Variants in MAST4 observed in about 807,000 individuals in gnomAD.
The protein encoded by MAST4 is microtubule-associated serine/threonine-protein kinase 4.
In MAST4, 89 loss-of-function variants were observed where a neutral mutation model predicts 162.7. The observed-to-expected ratio is 0.55, with a 90% CI of 0.46 to 0.65. The LOEUF (loss-of-function observed/expected upper bound fraction) is 0.65, where lower values mean the gene tolerates loss of function less well. Among genes scored for constraint, MAST4 ranks in the 30% least tolerant of loss-of-function variants. The pLI is 0.00. For synonymous variants in MAST4, 1,479 were observed against 1,361.1 expected (o/e 1.09, Z -1.91); for missense variants, 3,153 against 3,374.0 (o/e 0.93, Z 1.62).
At chr5:66,785,535 G>A (rs142658933) in intron 2 of MAST4, among the ~76,000 whole-genome samples, 249 of 152,192 alleles carry the variant, frequency 1.6e-3, no homozygotes, top group African/African-American at 5.5e-3. Flanking sequence ...TCTGGGTTTA[G>A]ACTGGAGATA....
At chr5:67,103,595 C>A (rs1263734303) in intron 9 of MAST4, among the ~76,000 whole-genome samples, 4 of 151,862 alleles carry the variant, frequency 2.6e-5, no homozygotes, top group Admixed American at 2.6e-4. Flanking sequence ...CAGTGGGTGA[C>A]CAGAGAGAAT....
chr5:66,668,604 A>G (rs1464422573), intron 1 of MAST4, among the ~76,000 whole-genome samples: 1 of 152,228 alleles, frequency 6.6e-6, no homozygotes, highest in East Asian at 1.9e-4. Context: ...TGGGAACAAT[A>G]ATAGTACTAA....
intron 1 of MAST4, among the ~76,000 whole-genome samples, chr5:66,705,033 A>G (rs920239117): frequency 3.3e-5 from 5 of 152,158 alleles, no homozygotes; most frequent in African/African-American, 1.2e-4. Flanking sequence ...CCACCAAGCC[A>G]CAGAAATTGT....
At chr5:66,940,327 C>T (rs966191378) in intron 4 of MAST4, among the ~76,000 whole-genome samples, 1 of 152,092 alleles carries the variant, frequency 6.6e-6, no homozygotes. Context: ...CAGCAGTGGA[C>T]TCTTTCTTTC....
chr5:66,836,633 G>A (rs750213676), intron 3 of MAST4, among the ~76,000 whole-genome samples: 4 of 152,148 alleles, frequency 2.6e-5, no homozygotes, highest in Non-Finnish European at 4.4e-5. Flanking sequence ...ATGAGATCAT[G>A]TCCTTTGCAG....
At chr5:67,005,586 A>G (rs1427094621) in intron 4 of MAST4, among the ~76,000 whole-genome samples, 2 of 152,164 alleles carry the variant, frequency 1.3e-5, no homozygotes, top group African/African-American at 2.4e-5. Context: ...TAACTTTGTC[A>G]TTTTGATTTT....
At chr5:67,161,199 C>T (rs1581766385) in intron 27 of MAST4, among the ~76,000 whole-genome samples, 1 of 152,248 alleles carries the variant, frequency 6.6e-6, no homozygotes, top group East Asian at 1.9e-4. Flanking sequence ...TCTGGGTGTG[C>T]CTCCTTTGCA....
chr5:67,093,745 C>A, intron 6 of MAST4: 1 of 387,282 alleles, frequency 2.6e-6, no homozygotes, highest in Non-Finnish European at 5.4e-6. Flanking sequence ...GTTAATGCAT[C>A]ACAAAACAAA....
At chr5:66,851,403 C>A (rs1251719753) in intron 3 of MAST4, among the ~76,000 whole-genome samples, 2 of 152,152 alleles carry the variant, frequency 1.3e-5, no homozygotes, top group Non-Finnish European at 2.9e-5. Flanking sequence ...AGGCTGCTAG[C>A]CAATTTGAGG....
chr5:66,709,213 ACTTTG>A, intron 1 of MAST4, among the ~76,000 whole-genome samples: 1 of 152,248 alleles, frequency 6.6e-6, no homozygotes, highest in South Asian at 2.1e-4. Flanking sequence ...TATTGCTGAT[ACTTTG>A]CTTTGTTTGA....
At chr5:66,741,085 A>G (rs544381544) in intron 1 of MAST4, among the ~76,000 whole-genome samples, 2 of 152,312 alleles carry the variant, frequency 1.3e-5, no homozygotes, top group South Asian at 2.1e-4. Flanking sequence ...TCTCAAACAT[A>G]CTGAATGCAC....
chr5:66,804,651 G>A (rs932292179), intron 3 of MAST4, among the ~76,000 whole-genome samples: 2 of 152,108 alleles, frequency 1.3e-5, no homozygotes, highest in Admixed American at 6.5e-5. Flanking sequence ...GAGTGGGAAG[G>A]GTGTATTTGC....
rs567954796 is a variant in MAST4 at position 66,640,376 on chromosome 5, C to T, written c.363+43358C>T. 4.0e-5 allele frequency among the ~76,000 whole-genome samples: 6 copies of T among 151,124 alleles called. No individual in the cohort carries two copies. In the South Asian group the frequency reaches 6.3e-4, roughly 16 times the overall value. On this transcript the variant is annotated intron_variant, in intron 1 of 28. Transcript: ENST00000403625. ...AGGCTGCACTGCAGTGGCACAATCTCGGCTCACTGCAAGCTCTGCCTCCCG... is the reference window on the plus strand; with the variant it reads ...AGGCTGCACTGCAGTGGCACAATCTTGGCTCACTGCAAGCTCTGCCTCCCG...
At chr5:66,748,979 C>T (rs1264630589) in intron 1 of MAST4, among the ~76,000 whole-genome samples, 1 of 151,774 alleles carries the variant, frequency 6.6e-6, no homozygotes, top group African/African-American at 2.4e-5. Flanking sequence ...ATTCTTCAGG[C>T]ACTGCAGAGA....
At chr5:67,139,589 G>A (rs1770112139) in intron 19 of MAST4, among the ~76,000 whole-genome samples, 1 of 152,136 alleles carries the variant, frequency 6.6e-6, no homozygotes, top group Non-Finnish European at 1.5e-5. Context: ...TACTTCACAG[G>A]ATTATTGTGA....
intron 12 of MAST4, among the ~76,000 whole-genome samples, chr5:67,118,270 C>T (rs1767157222): frequency 6.6e-6 from 1 of 152,186 alleles, no homozygotes; most frequent in African/African-American, 2.4e-5. Context: ...ACGAGATATG[C>T]ACCACAACTT....
At chr5:67,018,809 A>G (rs1753631379) in intron 4 of MAST4, among the ~76,000 whole-genome samples, 1 of 152,216 alleles carries the variant, frequency 6.6e-6, no homozygotes, top group African/African-American at 2.4e-5. Context: ...TTGCTTTGCA[A>G]AATAACTTAT....
intron 2 of MAST4, among the ~76,000 whole-genome samples, chr5:66,767,004 C>G (rs574919802): frequency 5.3e-5 from 8 of 152,270 alleles, no homozygotes; most frequent in Admixed American, 3.3e-4. Flanking sequence ...TGGTTTTGCT[C>G]TTCTTAATAG....
intron 19 of MAST4, among the ~76,000 whole-genome samples, chr5:67,139,124 A>G (rs1770058726): frequency 6.6e-6 from 1 of 152,244 alleles, no homozygotes. Flanking sequence ...TAGAATTGTC[A>G]AGTGCTTGCC....
Sources: allele counts gnomAD v4.1 joint callset (sites outside exome capture counted in the v4.1 genomes callset), GRCh38; gene constraint gnomAD v4.1.1; transcripts MANE v1.5; gene names NCBI Gene and HGNC (gene_info 2026-07-23, HGNC 2026-07-21).